RRM1: variants seen among roughly 807,000 people sequenced by gnomAD.
RRM1 encodes ribonucleotide reductase catalytic subunit M1, also known as ribonucleoside-diphosphate reductase large subunit.
RRM1 carries 19 observed loss-of-function variants against 101.5 expected under a neutral mutation model. The ratio of observed to expected loss-of-function variants is 0.19; its 90% CI spans 0.13 to 0.27. The LOEUF is 0.27. RRM1 is among the 10% of genes least tolerant of loss of function. The probability of loss-of-function intolerance (pLI) is 1.00; values close to 1 mark genes in which losing one functional copy is unlikely to be tolerated. For missense variants in RRM1, 500 were observed against 962.9 expected (o/e 0.52, Z 6.36); for synonymous variants, 298 against 323.4 (o/e 0.92, Z 0.84).
chr11:4,121,315 G>C (rs1487588492), intron 9 of RRM1, among the ~76,000 whole-genome samples: 1 of 152,152 alleles, frequency 6.6e-6, no homozygotes, highest in Non-Finnish European at 1.5e-5. Flanking sequence ...AAGAGAGCTG[G>C]GCTGTTGCTG....
chr11:4,124,975 C>T (rs2094587333), intron 12 of RRM1, among the ~76,000 whole-genome samples: 1 of 149,952 alleles, frequency 6.7e-6, no homozygotes, highest in African/African-American at 2.5e-5. Flanking sequence ...AGTGTAGTGG[C>T]TCGATCTCGG....
chr11:4,113,416 T>G (rs1177049453), intron 7 of RRM1, among the ~76,000 whole-genome samples: 1 of 152,124 alleles, frequency 6.6e-6, no homozygotes, highest in East Asian at 1.9e-4. Context: ...CTGTAATGAT[T>G]TGAAGAAATG....
intron 14 of RRM1, among the ~76,000 whole-genome samples, chr11:4,127,737 C>G (rs1206222073): frequency 6.6e-6 from 1 of 152,166 alleles, no homozygotes; most frequent in Admixed American, 6.5e-5. Context: ...ACTTAAATAC[C>G]TTTGTCCTCT....
At chr11:4,121,805 A>G in intron 10 of RRM1, 40 bp downstream of exon 10, 1 of 1,538,154 alleles carries the variant, frequency 6.5e-7, no homozygotes, top group South Asian at 1.3e-5. Context: ...AACTTGATTC[A>G]CATGAGCTTT....
chr11:4,118,680 G>A (rs1230954482), intron 8 of RRM1, among the ~76,000 whole-genome samples: 1 of 152,020 alleles, frequency 6.6e-6, no homozygotes, highest in Non-Finnish European at 1.5e-5. Flanking sequence ...ATCCTTTTTA[G>A]CTCAGGTTTT....
intron 17 of RRM1, among the ~76,000 whole-genome samples, chr11:4,134,215 G>A (rs985729058): frequency 3.3e-5 from 5 of 151,932 alleles, no homozygotes; most frequent in Admixed American, 6.6e-5. Flanking sequence ...CAGGTGATCC[G>A]CCTGCCTTGG....
Position 4,121,745 on chromosome 11 carries a change from A to C in RRM1, c.1018A>C (p.Lys340Gln), listed in dbSNP as rs2094582181. The change falls in exon 10 of 19, where the codon AAA becomes CAA. Residue 340 changes from lysine to glutamine, a missense_variant. Transcript: ENST00000300738. ...FALWIPDLFM[K>Q]RVETNQDWSL... ...TCTTTGGATTCCGGATCTCTTCATG[A>C]AACGAGTGGAGACTAATCAGGTGAG... is the stretch of plus-strand genomic sequence containing the variant. 1 of 1,611,630 alleles carries C rather than the reference A, an allele frequency of 6.2e-7. No homozygotes were observed. Among genetic ancestry groups the C allele is most frequent in the East Asian group, 2.2e-5 (1 of 44,852 alleles).
chr11:4,133,400 G>A (rs144360552), intron 16 of RRM1, among the ~76,000 whole-genome samples, 163 bp from the exon 17 acceptor site: 6 of 152,278 alleles, frequency 3.9e-5, no homozygotes, highest in East Asian at 3.9e-4. Flanking sequence ...TATAGCTTTC[G>A]TGTGGTGGCA....
intron 11 of RRM1, 102 bp downstream of exon 11, chr11:4,122,322 A>G: frequency 1.2e-6 from 1 of 815,084 alleles, no homozygotes; most frequent in Admixed American, 2.9e-5. Context: ...CTTTTGAAGC[A>G]TCTAAGAGAA....
intron 11 of RRM1, 86 bp from the exon 12 acceptor site, chr11:4,123,097 A>G (rs2094584198): frequency 9.8e-7 from 1 of 1,022,982 alleles, no homozygotes; most frequent in Non-Finnish European, 1.4e-6. Flanking sequence ...GAGTTTTCAT[A>G]ACTTTATATT....
chr11:4,135,559 T>G (rs998720365), intron 18 of RRM1, among the ~76,000 whole-genome samples: 1 of 152,192 alleles, frequency 6.6e-6, no homozygotes, highest in Non-Finnish European at 1.5e-5. Context: ...TGATTGTTCC[T>G]TTGTATTATT....
rs113926315 is a variant in RRM1, at chr11:4,106,962, C to T, written c.287-473C>T. Among the ~76,000 whole-genome samples, 149 of 151,534 alleles carry T rather than the reference C, an allele frequency of 9.8e-4. 1 individual carries two copies. The highest frequency in any genetic ancestry group is 3.4e-3 in the African/African-American group (141 of 41,326). Reference sequence around the variant, plus strand: ...AGGCTGGAGTGCAATGGTGTGATTTCGGCTCACTGCAACCTCCGCCTCCCG... The same window carrying T: ...AGGCTGGAGTGCAATGGTGTGATTTTGGCTCACTGCAACCTCCGCCTCCCG... On this transcript the variant is annotated intron_variant, in intron 3 of 18. Transcript: ENST00000300738.
chr11:4,123,685 A>G (rs1165519317), intron 12 of RRM1, among the ~76,000 whole-genome samples: 2 of 152,170 alleles, frequency 1.3e-5, no homozygotes, highest in African/African-American at 4.8e-5. Context: ...CACACACAAA[A>G]ATGTGTTAGG....
intron 12 of RRM1, 146 bp downstream of exon 12, chr11:4,123,530 A>G: frequency 4.5e-6 from 3 of 669,636 alleles, no homozygotes; most frequent in South Asian, 1.9e-5. Context: ...GGCAGAGAGC[A>G]AAGGAAGGAA....
intron 2 of RRM1, 130 bp from the exon 3 acceptor site, chr11:4,105,916 C>T (rs751792555): frequency 7.4e-5 from 52 of 706,060 alleles, no homozygotes; most frequent in Non-Finnish European, 1.0e-4. Flanking sequence ...CTCCTCACCT[C>T]AGCCACTGAG....
At chr11:4,125,434 A>G (rs941560818) in intron 12 of RRM1, among the ~76,000 whole-genome samples, 1 of 152,140 alleles carries the variant, frequency 6.6e-6, no homozygotes, top group Non-Finnish European at 1.5e-5. Flanking sequence ...TGTAGCATGT[A>G]TCAGTACTTC....
chr11:4,113,548 T>C (rs899213697), intron 7 of RRM1, among the ~76,000 whole-genome samples: 2 of 152,232 alleles, frequency 1.3e-5, no homozygotes, highest in African/African-American at 4.8e-5. Context: ...ACTTTAGCTG[T>C]TAGAAAATTA....
At chr11:4,112,873 G>A (rs1158757331) in intron 7 of RRM1, among the ~76,000 whole-genome samples, 1 of 152,142 alleles carries the variant, frequency 6.6e-6, no homozygotes, top group Non-Finnish European at 1.5e-5. Context: ...AGGCTGAGGT[G>A]GGAAGATCAC....
intron 2 of RRM1, 62 bp from the exon 3 acceptor site, chr11:4,105,984 T>C: frequency 1.4e-6 from 2 of 1,421,534 alleles, no homozygotes; most frequent in Non-Finnish European, 2.0e-6. Flanking sequence ...TCTTAATTAC[T>C]CTTTTAAGGA....
Sources: gnomAD v4.1 joint callset for allele counts (sites outside exome capture counted in the v4.1 genomes callset) on GRCh38, gnomAD v4.1.1 for gene constraint, MANE v1.5 for transcripts, NCBI Gene and HGNC (gene_info 2026-07-23, HGNC 2026-07-21) for gene names.